Variants in NBEA observed in about 807,000 individuals in gnomAD.
NBEA encodes the protein lysosomal-trafficking regulator 2.
In NBEA, 44 loss-of-function variants were observed where a neutral mutation model predicts 343.4. That is an observed-to-expected ratio of 0.13 (90% confidence interval 0.10 to 0.16). NBEA has a LOEUF of 0.16. Among genes scored for constraint, NBEA ranks in the 10% least tolerant of loss-of-function variants. NBEA has a pLI of 1.00. For synonymous variants in NBEA, 1,175 were observed against 1,238.7 expected (o/e 0.95, Z 1.08); for missense variants, 2,555 against 3,631.3 (o/e 0.70, Z 7.62).
At chr13:34,985,050 C>G (rs1054733554) in intron 1 of NBEA, among the ~76,000 whole-genome samples, 4 of 150,944 alleles carry the variant, frequency 2.6e-5, no homozygotes, top group African/African-American at 9.7e-5. Context: ...TGCCTGATTG[C>G]CCTGGCCAGA....
chr13:35,440,702 G>A (rs561611631), intron 39 of NBEA, among the ~76,000 whole-genome samples: 24 of 152,224 alleles, frequency 1.6e-4, no homozygotes, highest in Non-Finnish European at 2.8e-4. Flanking sequence ...GGGGATTGTC[G>A]TTAAACAATT....
chr13:35,180,499 T>C (rs2071239447), intron 28 of NBEA, among the ~76,000 whole-genome samples: 1 of 151,704 alleles, frequency 6.6e-6, no homozygotes, highest in Admixed American at 6.6e-5. Context: ...GCCGTTGTTT[T>C]AACTATCATT....
intron 48 of NBEA, among the ~76,000 whole-genome samples, chr13:35,616,996 A>T (rs2082767448): frequency 6.6e-6 from 1 of 152,262 alleles, no homozygotes; most frequent in Admixed American, 6.5e-5. Flanking sequence ...ATTCATATGT[A>T]ATTCAGTGAA....
chr13:35,629,833 C>T (rs1355466190), intron 49 of NBEA, among the ~76,000 whole-genome samples: 1 of 152,064 alleles, frequency 6.6e-6, no homozygotes, highest in Non-Finnish European at 1.5e-5. Flanking sequence ...TCTTTTAAGG[C>T]TAATACCTTT....
intron 1 of NBEA, among the ~76,000 whole-genome samples, chr13:34,995,641 G>A (rs1291558141): frequency 6.6e-6 from 1 of 152,130 alleles, no homozygotes; most frequent in Non-Finnish European, 1.5e-5. Flanking sequence ...ATTGGTTACA[G>A]CTAGGTGTTG....
At chr13:35,148,129 T>C (rs1006254963) in intron 18 of NBEA, among the ~76,000 whole-genome samples, 6 of 152,118 alleles carry the variant, frequency 3.9e-5, no homozygotes, top group Non-Finnish European at 5.9e-5. Context: ...CCCCAGCTGG[T>C]GTTCGGGCTC....
chr13:35,550,736 A>T, intron 42 of NBEA, 142 bp downstream of exon 42: 1 of 686,792 alleles, frequency 1.5e-6, no homozygotes, highest in African/African-American at 1.8e-5. Flanking sequence ...TTTAAAAAAT[A>T]AAAAAAGAAT....
intron 35 of NBEA, among the ~76,000 whole-genome samples, chr13:35,299,135 CCTAT>C (rs1166157731): frequency 6.6e-6 from 1 of 151,730 alleles, no homozygotes; most frequent in Non-Finnish European, 1.5e-5. Flanking sequence ...AAGAAACACA[CCTAT>C]GTATTTTAGT....
At position 35,349,272 on chromosome 13, in the gene NBEA, C is replaced by T. The variant is rs2040048108; in HGVS notation, c.6012+56C>T. The stretch of plus-strand genomic sequence containing the variant: ...CTTTCTATTATAAGCCAAAAATCAC[C>T]TATCTGTGACCTTACATAAGAAGGT... On this transcript the variant is annotated intron_variant, in intron 37 of 58. Transcript: ENST00000379939. 3 of 916,774 alleles carry T rather than the reference C, an allele frequency of 3.3e-6. No individual in the cohort carries two copies. In the East Asian group the frequency reaches 8.1e-5, roughly 25 times the overall value. 56.8% of individuals were successfully genotyped at this position (916,774 alleles called of 1,614,324 possible). A position where few individuals can be genotyped will look rare whatever the true frequency, so the allele number is the denominator to read the frequency against.
intron 17 of NBEA, among the ~76,000 whole-genome samples, chr13:35,140,129 C>T (rs1294053435): frequency 1.3e-5 from 2 of 151,986 alleles, no homozygotes; most frequent in African/African-American, 2.4e-5. Flanking sequence ...TCATTCTCCC[C>T]TTCTTGAGTA....
At chr13:35,163,990 A>T (rs990654977) in intron 23 of NBEA, among the ~76,000 whole-genome samples, 36 of 152,232 alleles carry the variant, frequency 2.4e-4, no homozygotes, top group Admixed American at 2.2e-3. Context: ...ATTATTTTTA[A>T]CATTAGACAT....
At chr13:35,522,726 T>C (rs1033542870) in intron 41 of NBEA, among the ~76,000 whole-genome samples, 1 of 151,906 alleles carries the variant, frequency 6.6e-6, no homozygotes, top group African/African-American at 2.4e-5. Flanking sequence ...CATGAGATTC[T>C]CATAGGATCG....
intron 34 of NBEA, among the ~76,000 whole-genome samples, chr13:35,284,977 G>A (rs1340372834): frequency 1.3e-5 from 2 of 152,162 alleles, no homozygotes; most frequent in Admixed American, 6.6e-5. Context: ...TGGGAGAAGT[G>A]TAGAGAACAG....
chr13:35,030,853 A>G (rs994803575), intron 1 of NBEA, among the ~76,000 whole-genome samples: 2 of 151,658 alleles, frequency 1.3e-5, no homozygotes, highest in African/African-American at 2.4e-5. Context: ...GAAAGGGGCA[A>G]TGTGTTTTTG....
intron 10 of NBEA, among the ~76,000 whole-genome samples, chr13:35,095,305 G>A (rs1593326840): frequency 6.6e-6 from 1 of 150,392 alleles, no homozygotes; most frequent in Non-Finnish European, 1.5e-5. Flanking sequence ...AATTTTAATG[G>A]AATATAAATA....
chr13:35,399,438 A>C (rs2042896196), intron 38 of NBEA, among the ~76,000 whole-genome samples: 1 of 151,240 alleles, frequency 6.6e-6, no homozygotes, highest in African/African-American at 2.5e-5. Context: ...AGAGAGAGAA[A>C]TGAAGGAGGA....
chr13:35,201,367 A>G lies in NBEA; in HGVS notation c.5366+5065A>G, dbSNP rs529449479. 4.6e-5 allele frequency among the ~76,000 whole-genome samples: 7 copies of G among 152,042 alleles called. No homozygotes were observed. In the East Asian group the frequency reaches 5.8e-4, roughly 13 times the overall value. ...CTTAAACATATTTTTTTATATTGCAATTCTCAAATATTTTACAAAATAAGG... is the reference window on the plus strand; with the variant it reads ...CTTAAACATATTTTTTTATATTGCAGTTCTCAAATATTTTACAAAATAAGG... On this transcript the variant is annotated intron_variant, in intron 31 of 58. Coordinates refer to ENST00000379939, the MANE Select transcript of NBEA (RefSeq NM_001385012.1).
chr13:35,172,947 C>T (rs2070584729), intron 26 of NBEA, among the ~76,000 whole-genome samples: 4 of 151,852 alleles, frequency 2.6e-5, no homozygotes, highest in Admixed American at 2.6e-4. Context: ...TTGACAAAGC[C>T]CAGAGACTTT....
At chr13:35,562,415 T>TA (rs2079898988) in intron 44 of NBEA, among the ~76,000 whole-genome samples, 1 of 152,082 alleles carries the variant, frequency 6.6e-6, no homozygotes, top group Non-Finnish European at 1.5e-5. Flanking sequence ...TCTTGCATTT[T>TA]AAAAAATAGG....
Sources: gnomAD v4.1 joint callset for allele counts (sites outside exome capture counted in the v4.1 genomes callset) on GRCh38, gnomAD v4.1.1 for gene constraint, MANE v1.5 for transcripts, NCBI Gene and HGNC (gene_info 2026-07-23, HGNC 2026-07-21) for gene names.